Variants in DHX34 observed in about 807,000 individuals in gnomAD.
DHX34 encodes probable ATP-dependent RNA helicase DHX34.
DHX34 carries 96 observed loss-of-function variants against 111.1 expected under a neutral mutation model. The observed-to-expected ratio is 0.86, with a 90% CI of 0.73 to 1.02. DHX34 has a LOEUF of 1.02. Among genes scored for constraint, DHX34 ranks in the 50% least tolerant of loss-of-function variants. The pLI, the probability that DHX34 is intolerant of heterozygous loss-of-function variation, is 0.00. For synonymous variants in DHX34, 688 were observed against 670.4 expected (o/e 1.03, Z -0.41); for missense variants, 1,560 against 1,579.9 (o/e 0.99, Z 0.21).
chr19:47,353,162 C>G lies in DHX34; in HGVS notation c.132C>G (p.Phe44Leu). ...GTCGCCTCTTGGAAGATGCCTTCTT[C>G]CGTGAAGAGGATTACATCCGTCAGG... ...ETRRLLEDAF[F>L]REEDYIRQGS... is the part of the protein sequence containing the mutation. Residue 44 changes from phenylalanine (F) to leucine (L), a missense_variant, in exon 2 of 17, where the codon TTC (phenylalanine) becomes TTG (leucine). Transcript: ENST00000328771. The surrounding 1 kb of genome is among the most constrained non-coding windows in gnomAD (Gnocchi z 4.6). 3.1e-6 allele frequency: 5 copies of G among 1,614,136 alleles called. No individual in the cohort carries two copies. Among genetic ancestry groups the G allele is most frequent in the Non-Finnish European group, 4.2e-6 (5 of 1,180,024 alleles).
In DHX34 at chr19:47,375,999, G is replaced by A. The variant is rs775749081; in HGVS notation, c.2383G>A (p.Glu795Lys). The change falls in exon 11 of 17, where the codon GAG becomes AAG. Residue 795 changes from glutamate to lysine, a missense_variant. Transcript: ENST00000328771. The part of the protein sequence containing the change: ...AASSAQDLSR[E>K]QLALLKLVLG... ...CAGCTCAGCCCAGGACCTGAGCCGC[G>A]AGCAGCTGGCTCTGCTGAAGCTGGT... 6 of 1,605,484 alleles carry A rather than the reference G, an allele frequency of 3.7e-6. No homozygotes were observed. In the South Asian group the frequency reaches 4.4e-5, roughly 12 times the overall value.
chr19:47,381,579 G>A, intron 16 of DHX34: 1 of 600,974 alleles, frequency 1.7e-6, no homozygotes, highest in Non-Finnish European at 2.9e-6. Context: ...CTCTGTTTCT[G>A]TCTCTCTGTG....
In DHX34 at chr19:47,375,501, C is replaced by T. The variant is rs766057621; in HGVS notation, c.2100C>T (p.Ala700=). 1.9e-6 allele frequency: 3 copies of T among 1,575,214 alleles called. No individual in the cohort carries two copies. The Admixed American group carries it at 5.4e-5, about 28-fold the overall frequency. ...AGGACCACGGGCTGCTGGCTGGGGC[C>T]CAGGCCGCGCAGGTAGGGGACAGCT... ...LLEDHGLLAG[A]QAAQVGDSYS... Residue 700 remains alanine, a synonymous_variant, in exon 10 of 17, where the codon GCC becomes GCT. Transcript: ENST00000328771.
At chr19:47,368,821 C>T (rs2122295720) in intron 7 of DHX34, among the ~76,000 whole-genome samples, 1 of 152,134 alleles carries the variant, frequency 6.6e-6, no homozygotes, top group East Asian at 1.9e-4. Flanking sequence ...TCAAGCAATT[C>T]TCCTGCCTCA....
intron 4 of DHX34, among the ~76,000 whole-genome samples, chr19:47,358,705 C>G (rs1487114426): frequency 1.3e-5 from 2 of 152,090 alleles, no homozygotes; most frequent in East Asian, 3.9e-4. Flanking sequence ...ATCTCCACCT[C>G]CCGGGTTCAA....
Position 47,379,799 on chromosome 19 carries a change from C to G in DHX34, c.2796C>G (p.Asp932Glu). Residue 932 changes from aspartate to glutamate, a missense_variant, in exon 14 of 17, where the codon GAC (aspartate) becomes GAG (glutamate). Coordinates refer to ENST00000328771, the MANE Select transcript of DHX34 (RefSeq NM_014681.6). The part of the protein sequence containing the change: ...ADGWLELQLA[D>E]SESAIRLLAA... ...GCTGGCTGGAGCTGCAGCTAGCAGA[C>G]AGTGAAAGTGCCATCCGACTCCTGG... is the stretch of plus-strand genomic sequence containing the variant. 1.2e-6 allele frequency: 2 copies of G among 1,613,758 alleles called. No individual in the cohort carries two copies. Among genetic ancestry groups the G allele is most frequent in the Non-Finnish European group, 1.7e-6 (2 of 1,179,766 alleles).
chr19:47,377,872 G>GGGCACC (rs1366470787), intron 13 of DHX34, among the ~76,000 whole-genome samples: 6 of 152,008 alleles, frequency 3.9e-5, no homozygotes, highest in African/African-American at 7.2e-5. Flanking sequence ...GCCCTTGCAT[G>GGGCACC]GGCACCGGCA....
rs1171338453 is a variant in DHX34 at position 47,373,621 on chromosome 19, A to C, written c.1985A>C (p.Asn662Thr). Residue 662 changes from asparagine to threonine, a missense_variant, in exon 9 of 17, where the codon AAC becomes ACC. Asn to Thr is a moderately conservative substitution (Grantham distance 65, BLOSUM62 0). Transcript: ENST00000328771. The part of the protein sequence containing the change: ...WVQVKSERSR[N>T]SRKWCRRRGI... ...CAGGTGAAATCTGAACGGAGCAGAA[A>C]CTCTCGCAAGTGGTGCCGCCGCCGG... The C allele has an allele frequency of 6.2e-7, 1 of 1,613,672 alleles. No individual in the cohort carries two copies. The highest frequency in any genetic ancestry group is 8.5e-7 in the Non-Finnish European group (1 of 1,179,930).
At position 47,358,024 on chromosome 19, in the gene DHX34, C is replaced by T. The variant is rs767635576; in HGVS notation, c.1176C>T (p.Ser392=). ...TCCTCAGCGGCATGGCGGAGATCAG[C>T]GCCGTGCTGGAGGCTGCCCAGACCT... ...LVFLSGMAEI[S]AVLEAAQTYA... is the part of the protein sequence containing the mutation. Residue 392 remains serine, a synonymous_variant, in exon 4 of 17, where the codon AGC becomes AGT. Coordinates refer to ENST00000328771, the MANE Select transcript of DHX34 (RefSeq NM_014681.6). 39 of 1,613,440 alleles carry T rather than the reference C, an allele frequency of 2.4e-5. No homozygotes were observed. Among genetic ancestry groups the T allele is most frequent in the East Asian group, 2.2e-4 (10 of 44,902 alleles).
At chr19:47,373,762 C>T (rs868715011) in intron 9 of DHX34, 62 bp downstream of exon 9, 2 of 1,558,392 alleles carry the variant, frequency 1.3e-6, no homozygotes, top group Middle Eastern at 1.7e-4. Flanking sequence ...AAGCACACTC[C>T]AGAACACTGC....
At chr19:47,376,235 C>T in intron 11 of DHX34, 138 bp downstream of exon 11, 1 of 1,431,442 alleles carries the variant, frequency 7.0e-7, no homozygotes, top group Non-Finnish European at 9.2e-7. Flanking sequence ...AGTGGGAGGA[C>T]AGACCCATCC....
In DHX34 at chr19:47,358,223, G is replaced by C. The variant is rs1006639071; in HGVS notation, c.1272+103G>C. Reference sequence around the variant, plus strand: ...TCCACAAACACAGGGCTCGGGGGCTGTACTTGTGCAAAGTCGTAGCCACCT... The same window carrying C: ...TCCACAAACACAGGGCTCGGGGGCTCTACTTGTGCAAAGTCGTAGCCACCT... On this transcript the variant is annotated intron_variant, in intron 4 of 16. Transcript: ENST00000328771. 4 of 1,473,306 alleles carry C rather than the reference G, an allele frequency of 2.7e-6. No individual in the cohort carries two copies. The African/African-American group carries it at 5.6e-5, about 21-fold the overall frequency. 91.3% of individuals were successfully genotyped at this position (1,473,306 alleles called of 1,614,324 possible).
chr19:47,373,051 T>A, intron 8 of DHX34, 128 bp downstream of exon 8: 1 of 1,227,732 alleles, frequency 8.1e-7, no homozygotes, highest in Non-Finnish European at 1.1e-6. Flanking sequence ...CCCCACAGAC[T>A]GGGCCTGCCT....
chr19:47,381,948 C>A, intron 16 of DHX34, 32 bp from the exon 17 acceptor site: 1 of 1,613,726 alleles, frequency 6.2e-7, no homozygotes, highest in Non-Finnish European at 8.5e-7. Context: ...CTGGAACACG[C>A]CCCTCACAGC....
At chr19:47,352,585 G>A (rs1969318575) in intron 1 of DHX34, among the ~76,000 whole-genome samples, 169 bp from the exon 2 acceptor site, 1 of 152,136 alleles carries the variant, frequency 6.6e-6, no homozygotes, top group African/African-American at 2.4e-5. Context: ...TGAGGCGGGA[G>A]GATCGCTTGA....
intron 7 of DHX34, among the ~76,000 whole-genome samples, chr19:47,367,895 C>CAAAAAAAAAAAAA: frequency 2.2e-5 from 1 of 46,170 alleles, no homozygotes; most frequent in Non-Finnish European, 4.5e-5. Flanking sequence ...GACTCCATCT[C>CAAAAAAAAAAAAA]AAAAAAAAAA....
At position 47,362,535 on chromosome 19, in the gene DHX34, T is replaced by G; in HGVS notation, c.1435T>G (p.Trp479Gly). The change falls in exon 6 of 17, where the codon TGG (tryptophan) becomes GGG (glycine). Residue 479 changes from tryptophan to glycine, a missense_variant. By Grantham distance (184) the Trp-to-Gly change is radical. Coordinates refer to ENST00000328771, the MANE Select transcript of DHX34 (RefSeq NM_014681.6). ...QAKLQRLQEF[W>G]ISQASAEQRK... ...CAAGCTGCAACGGCTGCAGGAGTTC[T>G]GGATTAGTCAGGCCAGCGCAGAGCA... 1 of 1,609,362 alleles carries G rather than the reference T, an allele frequency of 6.2e-7. No individual in the cohort carries two copies. The highest frequency in any genetic ancestry group is 1.1e-5 in the South Asian group (1 of 90,638).
rs763294824 is a variant in DHX34 at position 47,355,076 on chromosome 19, C to T, written c.743C>T (p.Ala248Val). 29 of 1,613,858 alleles carry T rather than the reference C, an allele frequency of 1.8e-5. No individual in the cohort carries two copies. The highest frequency in any genetic ancestry group is 4.4e-5 in the South Asian group (4 of 91,088). The change falls in exon 3 of 17, where the codon GCG becomes GTG. Residue 248 changes from alanine to valine, a missense_variant. Coordinates refer to ENST00000328771, the MANE Select transcript of DHX34 (RefSeq NM_014681.6). ...YQIRFESTRSAATKIVFLTVG... is the reference protein window; with the variant it reads ...YQIRFESTRSVATKIVFLTVG... ...ATCCGCTTTGAGAGCACACGTTCGG[C>T]GGCCACCAAGATTGTATTCCTGACA...
chr19:47,350,393 G>A (rs1055393933), intron 1 of DHX34, among the ~76,000 whole-genome samples: 14 of 151,928 alleles, frequency 9.2e-5, no homozygotes, highest in Admixed American at 2.0e-4. Flanking sequence ...GACAGAGTGA[G>A]ACCCTGTTTC....
Sources: gnomAD v4.1 joint callset for allele counts (sites outside exome capture counted in the v4.1 genomes callset) on GRCh38, gnomAD v4.1.1 for gene constraint, Gnocchi (gnomAD v3.1) non-coding constraint, MANE v1.5 for transcripts, NCBI Gene and HGNC (gene_info 2026-07-23, HGNC 2026-07-21) for gene names.